The following LEMD1 variants were observed in gnomAD, a reference collection of about 807,000 sequenced individuals.
The protein encoded by LEMD1 is LEM domain-containing protein 1.
Under a neutral mutation model 17.4 loss-of-function variants are expected in LEMD1, and 18 were observed. That is an observed-to-expected ratio of 1.04 (90% CI 0.72 to 1.54). The LOEUF (loss-of-function observed/expected upper bound fraction) is 1.54. Among genes scored for constraint, LEMD1 ranks in the 40% most tolerant of loss-of-function variants. The pLI, the probability that LEMD1 is intolerant of heterozygous loss-of-function variation, is 0.00. For missense variants in LEMD1, 195 were observed against 210.4 expected, an observed-to-expected ratio of 0.93 and a Z score of 0.45; for synonymous variants, 88 against 77.8, an observed-to-expected ratio of 1.13 and a Z score of -0.69.
chr1:205,448,572 T>G lies in LEMD1; in HGVS notation c.-39+1296A>C, dbSNP rs974636854. Among the ~76,000 whole-genome samples, 2 of 151,582 alleles carry G rather than the reference T, an allele frequency of 1.3e-5. No homozygotes were observed. The highest frequency in any genetic ancestry group is 2.9e-5 in the Non-Finnish European group (2 of 67,908). On this transcript the variant is annotated intron_variant, in intron 1 of 3. Transcript: ENST00000367154. This position sits in a 1 kb window ranked among gnomAD's most constrained non-coding sequence, Gnocchi z 4.7. ...TCTTCCACCACCTGCACTAAAGCCA[T>G]CCCAGTAATGAGTTTCCAGTTCTTG...
intron 1 of LEMD1, among the ~76,000 whole-genome samples, chr1:205,428,267 CA>C: frequency 6.6e-6 from 1 of 152,130 alleles, no homozygotes; most frequent in Non-Finnish European, 1.5e-5. Context: ...ATCCTGTTAC[CA>C]AAAAGCTTGG....
intron 1 of LEMD1, among the ~76,000 whole-genome samples, chr1:205,445,027 T>C (rs1470048683): frequency 1.3e-5 from 2 of 152,114 alleles, no homozygotes; most frequent in East Asian, 3.9e-4. Context: ...AATTAAAATA[T>C]GAATTCACCT....
chr1:205,433,986 C>G (rs932054596), intron 1 of LEMD1, among the ~76,000 whole-genome samples: 1 of 152,222 alleles, frequency 6.6e-6, no homozygotes, highest in Admixed American at 6.5e-5. Context: ...TCTGTTCCCC[C>G]ATCCAAGTGG....
In LEMD1 at chr1:205,400,315, C is replaced by T. The variant is rs180861233; in HGVS notation, c.270+15917G>A. On this transcript the variant is annotated intron_variant, in intron 4 of 5. Coordinates refer to ENST00000367153, the MANE Select transcript of LEMD1 (RefSeq NM_001199050.2). ...TCAAGCAATCCACCTGCCTTGGCCTCCCAAAGTGTTGGGATTACAGGCGTG... is the reference window on the plus strand; with the variant it reads ...TCAAGCAATCCACCTGCCTTGGCCTTCCAAAGTGTTGGGATTACAGGCGTG... Among the ~76,000 whole-genome samples the T allele has an allele frequency of 1.6e-3, 238 of 152,312 alleles. 2 individuals are homozygous for T. Among genetic ancestry groups the T allele is most frequent in the Non-Finnish European group, 2.7e-3 (184 of 68,030 alleles).
upstream of LEMD1, among the ~76,000 whole-genome samples, chr1:205,426,744 A>G (rs1165204496): frequency 1.3e-5 from 2 of 152,196 alleles, no homozygotes; most frequent in African/African-American, 2.4e-5. Flanking sequence ...TTAGGCCCCC[A>G]GGTCCCTTCA....
intron 4 of LEMD1, among the ~76,000 whole-genome samples, chr1:205,406,494 G>A (rs565063964): frequency 2.6e-5 from 4 of 152,376 alleles, no homozygotes; most frequent in East Asian, 1.9e-4. Context: ...CTCTGTGGGC[G>A]TAGGACCCTC....
chr1:205,400,851 C>CG (rs887598806), intron 4 of LEMD1, among the ~76,000 whole-genome samples: 4 of 118,578 alleles, frequency 3.4e-5, no homozygotes, highest in East Asian at 8.0e-4. Flanking sequence ...CCTCCCCCCC[C>CG]CCACCCCACA....
chr1:205,449,574 GCACAGCACAGCACAGCACACAGCA>G (rs1054768083), intron 1 of LEMD1, among the ~76,000 whole-genome samples: 25 of 152,042 alleles, frequency 1.6e-4, no homozygotes, highest in Admixed American at 8.5e-4. Flanking sequence ...CCCAACAACA[GCACAGCACAGCACAGCACACAGCA>G]CACAGCACAG....
chr1:205,449,131 G>A (rs1666452321), intron 1 of LEMD1, among the ~76,000 whole-genome samples: 2 of 152,190 alleles, frequency 1.3e-5, no homozygotes, highest in Admixed American at 6.5e-5. Context: ...GGCTGTGGGA[G>A]GGGTGCGCAG....
At chr1:205,407,511 A>C (rs574802947) in intron 4 of LEMD1, among the ~76,000 whole-genome samples, 1 of 152,254 alleles carries the variant, frequency 6.6e-6, no homozygotes, top group African/African-American at 2.4e-5. Flanking sequence ...TGAGTTGGTG[A>C]ACGCATTAAG....
intron 5 of LEMD1, chr1:205,382,169 T>A: frequency 3.8e-6 from 1 of 260,240 alleles, no homozygotes; most frequent in African/African-American, 2.2e-5. Flanking sequence ...CCCCAGCTAA[T>A]TAAAAAAAAA....
intron 4 of LEMD1, among the ~76,000 whole-genome samples, chr1:205,403,065 T>C: frequency 6.6e-6 from 1 of 151,912 alleles, no homozygotes; most frequent in Non-Finnish European, 1.5e-5. Context: ...TTGATCATGG[T>C]GGATAAGCTT....
chr1:205,412,768 C>T (rs1294449553), intron 4 of LEMD1, among the ~76,000 whole-genome samples: 3 of 152,168 alleles, frequency 2.0e-5, no homozygotes, highest in Non-Finnish European at 4.4e-5. Context: ...TTTATGCCAT[C>T]GCAAACTTCC....
upstream of LEMD1, among the ~76,000 whole-genome samples, chr1:205,426,617 T>C (rs548324814): frequency 7.9e-5 from 12 of 152,144 alleles, no homozygotes; most frequent in African/African-American, 2.9e-4. Flanking sequence ...TGAACAAGGC[T>C]TGGGGGTAGA....
chr1:205,386,976 T>C (rs1399354154), intron 4 of LEMD1: 2 of 152,160 alleles, frequency 1.3e-5, no homozygotes, highest in African/African-American at 2.4e-5. Context: ...TACATATCCA[T>C]CACATGCAAC....
rs529514558 is a variant in LEMD1 at position 205,408,529 on chromosome 1, C to T, written c.270+7703G>A. On this transcript the variant is annotated intron_variant, in intron 4 of 5. Coordinates refer to ENST00000367153, the MANE Select transcript of LEMD1 (RefSeq NM_001199050.2). The stretch of plus-strand genomic sequence containing the variant: ...TTTTTTTTTTTTTTTGAGACAGGAT[C>T]TCACTCTGTCACCCAAGCTGGAGTG... 3.5e-4 allele frequency among the ~76,000 whole-genome samples: 49 copies of T among 138,278 alleles called. No individual in the cohort carries two copies. In the South Asian group the frequency reaches 0.011, roughly 30 times the overall value. The allele number at this position is 138,278 out of a possible 152,430, so 90.7% of individuals were successfully genotyped here.
In LEMD1 at chr1:205,442,113, G is replaced by A. The variant is rs149843208; in HGVS notation, c.-39+7755C>T. The stretch of plus-strand genomic sequence containing the variant: ...AGAAGTGCACTCAAGCCACTCAAGC[G>A]GAGAAGCTGAGAACAAAGGAAGGAA... On this transcript the variant is annotated intron_variant, in intron 1 of 3. Transcript: ENST00000367154. 4.5e-3 allele frequency among the ~76,000 whole-genome samples: 680 copies of A among 152,294 alleles called. 5 individuals are homozygous for A. Among genetic ancestry groups the A allele is most frequent in the Middle Eastern group, 0.017 (5 of 294 alleles).
At chr1:205,439,489 T>C (rs1666258702) in intron 1 of LEMD1, among the ~76,000 whole-genome samples, 1 of 152,162 alleles carries the variant, frequency 6.6e-6, no homozygotes, top group Non-Finnish European at 1.5e-5. Flanking sequence ...GCTGCCAGCA[T>C]AGAATGTGCC....
intron 4 of LEMD1, among the ~76,000 whole-genome samples, chr1:205,405,936 C>G (rs1665074143): frequency 6.6e-6 from 1 of 152,206 alleles, no homozygotes. Context: ...GGAACCTCAG[C>G]TGCAGGTCTG....
Sources: allele counts gnomAD v4.1 joint callset (sites outside exome capture counted in the v4.1 genomes callset), GRCh38; gene constraint gnomAD v4.1.1; non-coding constraint Gnocchi (gnomAD v3.1); transcripts MANE v1.5; gene names NCBI Gene and HGNC (gene_info 2026-07-23, HGNC 2026-07-21).